Variants in LDLRAD4 observed in about 807,000 individuals in gnomAD.
LDLRAD4 encodes low density lipoprotein receptor class A domain containing 4, also known as low-density lipoprotein receptor class A domain-containing protein 4.
A neutral mutation model predicts 17.0 loss-of-function variants in LDLRAD4; 5 were observed. The ratio of observed to expected loss-of-function variants is 0.29; its 90% CI spans 0.15 to 0.62. LDLRAD4 has a LOEUF of 0.62. Among genes scored for constraint, LDLRAD4 ranks in the 20% least tolerant of loss-of-function variants. LDLRAD4 has a pLI of 0.84. For synonymous variants in LDLRAD4, 168 were observed against 171.8 expected (o/e 0.98, Z 0.17); for missense variants, 340 against 424.7 (o/e 0.80, Z 1.75).
At chr18:13,312,021 G>T (rs2047265851) in intron 1 of LDLRAD4, among the ~76,000 whole-genome samples, 1 of 151,972 alleles carries the variant, frequency 6.6e-6, no homozygotes, top group African/African-American at 2.4e-5. Context: ...ATTTTTAGTA[G>T]AGACGGGGTT....
In LDLRAD4 at chr18:13,440,015, T is replaced by G. The variant is rs543027100; in HGVS notation, c.181+1631T>G. Among the ~76,000 whole-genome samples, 37 of 152,308 alleles carry G rather than the reference T, an allele frequency of 2.4e-4. 1 individual carries two copies. The East Asian group carries it at 5.8e-3, about 24-fold the overall frequency. ...ACTCAAGATTACCTCAACCCAGGCT[T>G]GGGGTCTTAGAAGGAGGTGAGTACA... On this transcript the variant is annotated intron_variant, in intron 3 of 5. Coordinates refer to ENST00000359446, the Ensembl canonical transcript of LDLRAD4. This position sits in a 1 kb window ranked among gnomAD's most constrained non-coding sequence, Gnocchi z 4.4.
intron 1 of LDLRAD4, among the ~76,000 whole-genome samples, chr18:13,294,346 C>T (rs749994232): frequency 1.8e-4 from 27 of 152,232 alleles, no homozygotes; most frequent in Non-Finnish European, 3.7e-4. Flanking sequence ...TGTGCGGAAG[C>T]GTTGACCAAG....
intron 3 of LDLRAD4, among the ~76,000 whole-genome samples, chr18:13,610,360 T>C (rs894557462): frequency 2.1e-5 from 3 of 141,234 alleles, no homozygotes; most frequent in African/African-American, 7.8e-5. Flanking sequence ...CTATCTTGGC[T>C]CATGGCAACT....
At chr18:13,386,732 ATGTGGGCATT>A (rs2085836808) in intron 1 of LDLRAD4, among the ~76,000 whole-genome samples, 1 of 152,182 alleles carries the variant, frequency 6.6e-6, no homozygotes, top group African/African-American at 2.4e-5. Flanking sequence ...TAAAAAGTTA[ATGTGGGCATT>A]TGTTTTCCTT....
At chr18:13,530,384 G>C (rs2094108944) in intron 3 of LDLRAD4, among the ~76,000 whole-genome samples, 1 of 152,250 alleles carries the variant, frequency 6.6e-6, no homozygotes. Flanking sequence ...CAGTCTTAGA[G>C]GAGATGATGG....
At chr18:13,504,449 A>G (rs1220911748) in intron 3 of LDLRAD4, among the ~76,000 whole-genome samples, 2 of 152,134 alleles carry the variant, frequency 1.3e-5, no homozygotes, top group Non-Finnish European at 2.9e-5. Context: ...TGTTTTTGAG[A>G]CAGAGTCTCA....
intron 1 of LDLRAD4, among the ~76,000 whole-genome samples, chr18:13,233,830 A>G (rs1362937592): frequency 6.6e-6 from 1 of 151,870 alleles, no homozygotes; most frequent in Admixed American, 6.6e-5. Flanking sequence ...ATCTCTACTC[A>G]TAGGCACCTC....
intron 3 of LDLRAD4, among the ~76,000 whole-genome samples, chr18:13,456,612 A>AT (rs1205903335): frequency 6.6e-6 from 1 of 152,062 alleles, no homozygotes; most frequent in Non-Finnish European, 1.5e-5. Flanking sequence ...TGTTTTGTTT[A>AT]TTTTTGGTCC....
At chr18:13,220,913 A>G (rs1490443605) in intron 1 of LDLRAD4, among the ~76,000 whole-genome samples, 1 of 152,214 alleles carries the variant, frequency 6.6e-6, no homozygotes, top group East Asian at 1.9e-4. Context: ...TAGCCAGCAT[A>G]AAGTCTCCTT....
chr18:13,463,962 A>G (rs941349953), intron 3 of LDLRAD4, among the ~76,000 whole-genome samples: 4 of 152,248 alleles, frequency 2.6e-5, no homozygotes, highest in Non-Finnish European at 5.9e-5. Context: ...TTTAAATTAT[A>G]AAGGAAAGCT....
At chr18:13,297,735 G>A (rs1422254935) in intron 1 of LDLRAD4, among the ~76,000 whole-genome samples, 1 of 152,240 alleles carries the variant, frequency 6.6e-6, no homozygotes, top group African/African-American at 2.4e-5. Flanking sequence ...AGGAGGTTGA[G>A]GCTGCAGTGA....
At chr18:13,470,223 T>G (rs966874619) in intron 3 of LDLRAD4, among the ~76,000 whole-genome samples, 5 of 152,044 alleles carry the variant, frequency 3.3e-5, no homozygotes, top group African/African-American at 1.2e-4. Context: ...GCTGCAGAAA[T>G]GTTTGTAGAG....
chr18:13,357,279 C>T (rs923872085), intron 1 of LDLRAD4, among the ~76,000 whole-genome samples: 1 of 152,090 alleles, frequency 6.6e-6, no homozygotes, highest in Non-Finnish European at 1.5e-5. Context: ...AGGTCTTGCT[C>T]TGTTGTGCAG....
intron 4 of LDLRAD4, among the ~76,000 whole-genome samples, chr18:13,623,296 C>T (rs890011223): frequency 5.3e-5 from 8 of 152,328 alleles, no homozygotes; most frequent in South Asian, 4.1e-4. Context: ...CTGCACACTG[C>T]GTGGCAGGTG....
chr18:13,288,590 A>C (rs1408817896), intron 1 of LDLRAD4, among the ~76,000 whole-genome samples: 1 of 152,196 alleles, frequency 6.6e-6, no homozygotes, highest in Admixed American at 6.5e-5. Flanking sequence ...GTCACTCTGC[A>C]AGGTGAGTCA....
intron 2 of LDLRAD4, among the ~76,000 whole-genome samples, chr18:13,422,846 T>C (rs2089611674): frequency 1.3e-5 from 2 of 152,382 alleles, no homozygotes; most frequent in South Asian, 4.1e-4. Flanking sequence ...TGCCATGTGC[T>C]GTGCCAGGCT....
chr18:13,322,392 C>T (rs1403616522), intron 1 of LDLRAD4, among the ~76,000 whole-genome samples: 13 of 151,030 alleles, frequency 8.6e-5, no homozygotes, highest in African/African-American at 2.4e-4. Flanking sequence ...CTCCACCTCC[C>T]GGGTTCAAGT....
chr18:13,373,366 A>C, intron 1 of LDLRAD4, among the ~76,000 whole-genome samples: 1 of 152,114 alleles, frequency 6.6e-6, no homozygotes, highest in East Asian at 1.9e-4. Flanking sequence ...TTTTTGCTTC[A>C]GTGGAATGAA....
At chr18:13,377,849 A>G (rs2085039327) in intron 1 of LDLRAD4, among the ~76,000 whole-genome samples, 1 of 152,236 alleles carries the variant, frequency 6.6e-6, no homozygotes, top group Non-Finnish European at 1.5e-5. Flanking sequence ...CCCTGGAAAT[A>G]TCTAAGAAAA....
Sources: gnomAD v4.1 joint callset for allele counts (sites outside exome capture counted in the v4.1 genomes callset) on GRCh38, gnomAD v4.1.1 for gene constraint, Gnocchi (gnomAD v3.1) non-coding constraint, MANE v1.5 for transcripts, NCBI Gene and HGNC (gene_info 2026-07-23, HGNC 2026-07-21) for gene names.